The following HIVEP2 variants were observed in gnomAD, a reference collection of about 807,000 sequenced individuals.
The protein encoded by HIVEP2 is HIVEP zinc finger 2.
HIVEP2 carries 14 observed loss-of-function variants against 180.7 expected under a neutral mutation model. The observed-to-expected ratio is 0.08, with a 90% CI of 0.05 to 0.12. The LOEUF is 0.12. HIVEP2 is among the 10% of genes least tolerant of loss of function. HIVEP2 has a pLI of 1.00. For synonymous variants in HIVEP2, 1,184 were observed against 1,136.4 expected, an observed-to-expected ratio of 1.04 and a Z score of -0.84; for missense variants, 2,579 against 3,008.5, an observed-to-expected ratio of 0.86 and a Z score of 3.34.
At chr6:142,892,758 C>A (rs948820869) in intron 1 of HIVEP2, among the ~76,000 whole-genome samples, 5 of 152,186 alleles carry the variant, frequency 3.3e-5, no homozygotes, top group African/African-American at 9.7e-5. Flanking sequence ...GTGAAGACAG[C>A]AGGCATTCCC....
chr6:142,917,647 G>A (rs958783963), intron 1 of HIVEP2, among the ~76,000 whole-genome samples: 4 of 152,184 alleles, frequency 2.6e-5, no homozygotes, highest in Non-Finnish European at 5.9e-5. Context: ...ATACAGAGGA[G>A]TCCAAAGTAA....
chr6:142,787,087 C>G (rs1013281575), intron 2 of HIVEP2, among the ~76,000 whole-genome samples: 1 of 151,776 alleles, frequency 6.6e-6, no homozygotes, highest in African/African-American at 2.4e-5. Context: ...AAGCAAGACC[C>G]TATCTCTATA....
chr6:142,818,769 GAAAGAAAGAAAGAAAGAAAGAAAA>G (rs1776936800), intron 2 of HIVEP2, among the ~76,000 whole-genome samples: 2 of 122,304 alleles, frequency 1.6e-5, no homozygotes, highest in Non-Finnish European at 3.5e-5. Context: ...AAGAAAGAAA[GAAAGAAAGAAAGAAAGAAAGAAAA>G]AGAAAAGAAA....
intron 9 of HIVEP2, among the ~76,000 whole-genome samples, chr6:142,757,150 T>C (rs998240633): frequency 4.6e-5 from 7 of 152,140 alleles, no homozygotes; most frequent in African/African-American, 1.7e-4. Context: ...GACTGGGCTG[T>C]AAGGTCCCTT....
At chr6:142,929,361 T>C (rs1416572827) in intron 1 of HIVEP2, among the ~76,000 whole-genome samples, 1 of 152,138 alleles carries the variant, frequency 6.6e-6, no homozygotes, top group Non-Finnish European at 1.5e-5. Flanking sequence ...AAAATCAGTA[T>C]TACCATAAAT....
intron 1 of HIVEP2, among the ~76,000 whole-genome samples, chr6:142,937,791 C>T (rs370040318): frequency 3.3e-5 from 5 of 152,274 alleles, no homozygotes; most frequent in East Asian, 1.9e-4. Flanking sequence ...AAAACCTTTC[C>T]GAATGGAAGT....
In HIVEP2 at chr6:142,798,097, T is replaced by C. The variant is rs1419737659; in HGVS notation, c.-527-14482A>G. Reference sequence around the variant, plus strand: ...CTCTTATGGTGGTGAGGAGAGAAAGTCAGGGATTTCTTTGGTCATTGCTAC... The same window carrying C: ...CTCTTATGGTGGTGAGGAGAGAAAGCCAGGGATTTCTTTGGTCATTGCTAC... On this transcript the variant is annotated intron_variant, in intron 2 of 9. Coordinates refer to ENST00000367603, the MANE Select transcript of HIVEP2 (RefSeq NM_006734.4). 2.0e-5 allele frequency among the ~76,000 whole-genome samples: 3 copies of C among 152,080 alleles called. No homozygotes were observed. The East Asian group carries it at 5.8e-4, about 30-fold the overall frequency.
At chr6:142,854,303 T>C (rs1775763409) in intron 1 of HIVEP2, among the ~76,000 whole-genome samples, 1 of 152,152 alleles carries the variant, frequency 6.6e-6, no homozygotes, top group African/African-American at 2.4e-5. Flanking sequence ...TATTCTACAA[T>C]GCACAGGATA....
chr6:142,781,230 G>A (rs1006391992), intron 3 of HIVEP2, among the ~76,000 whole-genome samples: 3 of 152,002 alleles, frequency 2.0e-5, no homozygotes, highest in Non-Finnish European at 4.4e-5. Context: ...TATATACCAG[G>A]TTTCCTAATC....
chr6:142,879,080 G>A (rs1776519022), intron 1 of HIVEP2, among the ~76,000 whole-genome samples: 1 of 152,136 alleles, frequency 6.6e-6, no homozygotes, highest in South Asian at 2.1e-4. Context: ...GAGATTATGT[G>A]TGTAAGAGTC....
In HIVEP2 at chr6:142,768,260, T is replaced by C. The variant is rs1775423352; in HGVS notation, c.5342+122A>G. The C allele has an allele frequency of 5.6e-6, 5 of 885,088 alleles. No individual in the cohort carries two copies. In the Admixed American group the frequency reaches 7.9e-5, roughly 14 times the overall value. The allele number at this position is 885,088 out of a possible 1,614,324, so 54.8% of individuals were successfully genotyped here. A position where few individuals can be genotyped will look rare whatever the true frequency, so the allele number is the denominator to read the frequency against. On this transcript the variant is annotated intron_variant, in intron 6 of 9. Coordinates refer to ENST00000367603, the MANE Select transcript of HIVEP2 (RefSeq NM_006734.4). ...ACCAGCCAGAGTTCAGAACTGTGAA[T>C]AGAAAAGGAATTTACTTTCAGCTTT... is the stretch of plus-strand genomic sequence containing the variant.
intron 9 of HIVEP2, among the ~76,000 whole-genome samples, chr6:142,758,112 A>T (rs940003476): frequency 6.6e-5 from 10 of 152,220 alleles, no homozygotes; most frequent in African/African-American, 2.2e-4. Flanking sequence ...GGAGATTTAC[A>T]GTTCTCTATT....
chr6:142,793,529 T>G (rs1208738205), intron 2 of HIVEP2, among the ~76,000 whole-genome samples: 1 of 152,168 alleles, frequency 6.6e-6, no homozygotes, highest in Non-Finnish European at 1.5e-5. Context: ...GTGTCAATTC[T>G]AGTATATTTA....
intron 1 of HIVEP2, among the ~76,000 whole-genome samples, chr6:142,850,415 G>A (rs192873237): frequency 3.9e-5 from 6 of 152,194 alleles, no homozygotes; most frequent in African/African-American, 7.2e-5. Context: ...CTGTTCTGTC[G>A]AATAAATCAA....
At chr6:142,907,637 G>T (rs79541248) in intron 1 of HIVEP2, among the ~76,000 whole-genome samples, 1 of 152,066 alleles carries the variant, frequency 6.6e-6, no homozygotes, top group South Asian at 2.1e-4. Context: ...CCTCCTTTTG[G>T]GGCTCTCGAT....
chr6:142,825,303 C>T (rs1774854240), intron 2 of HIVEP2, among the ~76,000 whole-genome samples: 1 of 152,044 alleles, frequency 6.6e-6, no homozygotes, highest in East Asian at 1.9e-4. Flanking sequence ...CACACACACA[C>T]ACACACACAC....
intron 8 of HIVEP2, 96 bp from the exon 9 acceptor site, chr6:142,760,763 T>C (rs889221200): frequency 3.5e-6 from 3 of 851,230 alleles, no homozygotes; most frequent in Non-Finnish European, 5.3e-6. Flanking sequence ...CTTTTCCCAA[T>C]CCCTAGTGCC....
Position 142,770,279 on chromosome 6 carries a change from A to C in HIVEP2, c.4460T>G (p.Leu1487Arg). 6.2e-7 allele frequency: 1 copy of C among 1,614,078 alleles called. No individual in the cohort carries two copies. Among genetic ancestry groups the C allele is most frequent in the Non-Finnish European group, 8.5e-7 (1 of 1,180,022 alleles). ...ELTNSDIKKD[L>R]SRPQKPQLVR... is the part of the protein sequence containing the mutation. ...CAGCTGGGGTTTCTGGGGGCGGGAG[A>C]GGTCCTTTTTGATGTCTGAGTTGGT... The change falls in exon 5 of 10, where the codon CTC becomes CGC. Residue 1487 changes from leucine to arginine, a missense_variant. Physicochemically the swap from Leu to Arg is moderately radical, Grantham distance 102. Around this residue, in one of 11 missense-constraint regions of HIVEP2, gnomAD observed 349 missense variants for 367.2 expected, o/e 0.95. Transcript: ENST00000367603. The surrounding 1 kb of genome is among the most constrained non-coding windows in gnomAD (Gnocchi z 4.7).
chr6:142,800,362 A>G (rs896003624), intron 2 of HIVEP2, among the ~76,000 whole-genome samples: 1 of 152,074 alleles, frequency 6.6e-6, no homozygotes, highest in Non-Finnish European at 1.5e-5. Context: ...ATATGGTGGG[A>G]CTCTAACTGT....
Sources: gnomAD v4.1 joint callset for allele counts (sites outside exome capture counted in the v4.1 genomes callset) on GRCh38, gnomAD v4.1.1 for gene constraint, gnomAD v4.1.1 regional missense constraint, Gnocchi (gnomAD v3.1) non-coding constraint, MANE v1.5 for transcripts, NCBI Gene and HGNC (gene_info 2026-07-23, HGNC 2026-07-21) for gene names.